CCSER1: variants seen among roughly 807,000 people sequenced by gnomAD.
The protein encoded by CCSER1 is coiled-coil serine rich protein 1.
CCSER1 carries 41 observed loss-of-function variants against 82.0 expected under a neutral mutation model. The observed-to-expected ratio is 0.50, with a 90% CI of 0.39 to 0.65. The LOEUF (loss-of-function observed/expected upper bound fraction) is 0.65. CCSER1 is among the 30% of genes least tolerant of loss of function. CCSER1 has a pLI of 0.00. For synonymous variants in CCSER1, 414 were observed against 383.9 expected (o/e 1.08, Z -0.92); for missense variants, 1,119 against 1,064.2 (o/e 1.05, Z -0.72).
At chr4:91,521,930 G>C (rs1441056113) in intron 10 of CCSER1, among the ~76,000 whole-genome samples, 1 of 152,080 alleles carries the variant, frequency 6.6e-6, no homozygotes, top group Non-Finnish European at 1.5e-5. Flanking sequence ...ATTGCTTTTG[G>C]TGTTTTAGAC....
At chr4:91,456,861 T>A (rs1204512494) in intron 10 of CCSER1, among the ~76,000 whole-genome samples, 1 of 152,166 alleles carries the variant, frequency 6.6e-6, no homozygotes, top group Non-Finnish European at 1.5e-5. Context: ...TCTGGATAAA[T>A]TAAATTTTCC....
Position 91,560,942 on chromosome 4 carries a change from C to T in CCSER1, c.2218-37630C>T, listed in dbSNP as rs868498481. Among the ~76,000 whole-genome samples, 12 of 151,394 alleles carry T rather than the reference C, an allele frequency of 7.9e-5. No individual in the cohort carries two copies. In the South Asian group the frequency reaches 2.5e-3, roughly 31 times the overall value. ...GCTAGTGCTTACACATTTCCAAGGA[C>T]CTGTACAAAGATTTAATAACTGAAA... On this transcript the variant is annotated intron_variant, in intron 10 of 10. Coordinates refer to ENST00000509176, the MANE Select transcript of CCSER1 (RefSeq NM_001145065.2).
At chr4:91,247,369 T>C (rs1272919046) in intron 10 of CCSER1, among the ~76,000 whole-genome samples, 1 of 151,904 alleles carries the variant, frequency 6.6e-6, no homozygotes, top group Non-Finnish European at 1.5e-5. Flanking sequence ...AAGCCAGGAT[T>C]GAAATGATAG....
In CCSER1 at chr4:91,294,481, A is replaced by G. The variant is rs569550400; in HGVS notation, c.2217+208487A>G. On this transcript the variant is annotated intron_variant, in intron 10 of 10. Transcript: ENST00000509176. Reference sequence around the variant, plus strand: ...GTTTCCTAGGCCTGCCTAACAAGTTACCACAAACTCAGTGGCTTAAAACAA... The same window carrying G: ...GTTTCCTAGGCCTGCCTAACAAGTTGCCACAAACTCAGTGGCTTAAAACAA... 1.1e-4 allele frequency among the ~76,000 whole-genome samples: 17 copies of G among 151,900 alleles called. No homozygotes were observed. In the South Asian group the frequency reaches 3.3e-3, roughly 30 times the overall value.
chr4:91,341,986 A>G (rs1427092061), intron 10 of CCSER1, among the ~76,000 whole-genome samples: 2 of 152,236 alleles, frequency 1.3e-5, no homozygotes, highest in African/African-American at 4.8e-5. Flanking sequence ...AAAGTAGGAA[A>G]GGGCACAGAG....
At chr4:90,313,178 G>C (rs1561009464) in intron 3 of CCSER1, 131 bp downstream of exon 3, 2 of 786,236 alleles carry the variant, frequency 2.5e-6, no homozygotes, top group East Asian at 5.4e-5. Context: ...TGTTTCCATA[G>C]TTGACATTAC....
chr4:91,465,377 G>A (rs1207805232), intron 10 of CCSER1, among the ~76,000 whole-genome samples: 1 of 152,134 alleles, frequency 6.6e-6, no homozygotes, highest in East Asian at 1.9e-4. Flanking sequence ...GAAATTTATA[G>A]CACTAAATGC....
intron 5 of CCSER1, among the ~76,000 whole-genome samples, chr4:90,534,470 T>C (rs1236095307): frequency 6.6e-6 from 1 of 151,696 alleles, no homozygotes; most frequent in African/African-American, 2.4e-5. Flanking sequence ...TGTGTGTGTG[T>C]GTGTGTGTGT....
rs550552087 is a variant in CCSER1 at position 91,214,554 on chromosome 4, T to C, written c.2217+128560T>C. Among the ~76,000 whole-genome samples, 18 of 152,322 alleles carry C rather than the reference T, an allele frequency of 1.2e-4. No homozygotes were observed. In the South Asian group the frequency reaches 3.7e-3, roughly 32 times the overall value. ...CATAGTTCATATTTCCTTCTCTACT[T>C]TCACTAGACTAGAAACTACTTGTGA... On this transcript the variant is annotated intron_variant, in intron 10 of 10. Transcript: ENST00000509176.
intron 10 of CCSER1, among the ~76,000 whole-genome samples, chr4:91,431,242 A>G (rs1174703547): frequency 6.6e-6 from 1 of 152,192 alleles, no homozygotes; most frequent in Non-Finnish European, 1.5e-5. Flanking sequence ...TCTCAAAAAC[A>G]GCAACAACAA....
chr4:90,467,707 A>G lies in CCSER1; in HGVS notation c.1604-527A>G, dbSNP rs184046716. ...CAAAAAACAAAACAAAACCAAAAAA[A>G]AAAAGAAAAGAATATGCTCACAAAA... On this transcript the variant is annotated intron_variant, in intron 4 of 10. Transcript: ENST00000509176. 3.9e-3 allele frequency among the ~76,000 whole-genome samples: 591 copies of G among 152,242 alleles called. 2 individuals carry two copies. Among genetic ancestry groups the G allele is most frequent in the African/African-American group, 0.013 (541 of 41,552 alleles).
chr4:90,133,780 A>G (rs1723195789), intron 1 of CCSER1, among the ~76,000 whole-genome samples: 1 of 152,124 alleles, frequency 6.6e-6, no homozygotes, highest in Non-Finnish European at 1.5e-5. Flanking sequence ...TACTTTTGGC[A>G]GTTTAAATTT....
intron 10 of CCSER1, among the ~76,000 whole-genome samples, chr4:91,217,598 C>G (rs1737355364): frequency 1.3e-5 from 2 of 152,052 alleles, no homozygotes; most frequent in Admixed American, 6.6e-5. Flanking sequence ...TCTCCAAGGC[C>G]CCACCAGAGC....
chr4:90,271,614 A>T (rs924532659), intron 1 of CCSER1, among the ~76,000 whole-genome samples: 2 of 151,756 alleles, frequency 1.3e-5, no homozygotes, highest in Non-Finnish European at 2.9e-5. Flanking sequence ...CACCAAGCAC[A>T]GGCAACTAAA....
intron 6 of CCSER1, among the ~76,000 whole-genome samples, chr4:90,691,339 A>G (rs1161070960): frequency 6.6e-6 from 1 of 151,972 alleles, no homozygotes; most frequent in African/African-American, 2.4e-5. Flanking sequence ...TCCTAAAGCT[A>G]ACACAGCTTA....
chr4:90,572,596 CTTG>C (rs1392300101), intron 5 of CCSER1, among the ~76,000 whole-genome samples: 1 of 150,684 alleles, frequency 6.6e-6, no homozygotes, highest in Non-Finnish European at 1.5e-5. Flanking sequence ...TTATTATTAT[CTTG>C]TTGGATCAAT....
intron 7 of CCSER1, among the ~76,000 whole-genome samples, chr4:90,762,131 C>T (rs541653533): frequency 2.6e-5 from 4 of 152,200 alleles, no homozygotes; most frequent in East Asian, 1.9e-4. Flanking sequence ...CCACACATGT[C>T]GTGGGAAGGA....
chr4:90,525,309 C>T (rs1380758067), intron 5 of CCSER1, among the ~76,000 whole-genome samples: 2 of 151,912 alleles, frequency 1.3e-5, no homozygotes, highest in African/African-American at 2.4e-5. Context: ...GTAATATAAA[C>T]GATAGCCAAA....
chr4:91,511,217 G>T (rs2110115791), intron 10 of CCSER1, among the ~76,000 whole-genome samples: 1 of 152,060 alleles, frequency 6.6e-6, no homozygotes, highest in African/African-American at 2.4e-5. Context: ...ATGCTGTTTT[G>T]TTATTGTAGC....
Sources: allele counts gnomAD v4.1 joint callset (sites outside exome capture counted in the v4.1 genomes callset), GRCh38; gene constraint gnomAD v4.1.1; transcripts MANE v1.5; gene names NCBI Gene and HGNC (gene_info 2026-07-23, HGNC 2026-07-21).